The following SYT9 variants were observed in gnomAD, a reference collection of about 807,000 sequenced individuals.
The protein encoded by SYT9 is synaptotagmin 9.
In SYT9, 22 loss-of-function variants were observed where a neutral mutation model predicts 48.4. The ratio of observed to expected loss-of-function variants is 0.45; its 90% CI spans 0.32 to 0.65. The LOEUF (loss-of-function observed/expected upper bound fraction) is 0.65. Among genes scored for constraint, SYT9 ranks in the 30% least tolerant of loss-of-function variants. The probability of loss-of-function intolerance (pLI) is 0.03; values close to 1 mark genes in which losing one functional copy is unlikely to be tolerated. For missense variants in SYT9, 577 were observed against 622.0 expected, an observed-to-expected ratio of 0.93 and a Z score of 0.77; for synonymous variants, 265 against 245.0, an observed-to-expected ratio of 1.08 and a Z score of -0.76.
At chr11:7,246,179 T>C (rs77516297) in intron 1 of SYT9, among the ~76,000 whole-genome samples, 3,506 of 152,286 alleles carry the variant, frequency 0.023, 64 homozygotes, top group Middle Eastern at 0.065. Context: ...TGCCACAGAA[T>C]GGGTAATACC....
intron 3 of SYT9, among the ~76,000 whole-genome samples, chr11:7,373,341 G>A (rs1160484542): frequency 6.6e-6 from 1 of 152,076 alleles, no homozygotes; most frequent in Non-Finnish European, 1.5e-5. Context: ...TAATACATCA[G>A]CTACACGTGT....
intron 1 of SYT9, 77 bp from the exon 2 acceptor site, chr11:7,302,962 T>G (rs1589927867): frequency 1.5e-6 from 2 of 1,336,928 alleles, no homozygotes; most frequent in Non-Finnish European, 2.1e-6. Context: ...GATGAGAGGG[T>G]CATTCTGCCC....
chr11:7,432,860 G>C (rs1246185952), intron 6 of SYT9, among the ~76,000 whole-genome samples: 1 of 151,728 alleles, frequency 6.6e-6, no homozygotes. Context: ...ATTAATGCTG[G>C]AATGACCTAA....
upstream of SYT9, among the ~76,000 whole-genome samples, chr11:7,247,631 G>GTGATATATATATATACGTA (rs1564834898): frequency 1.4e-5 from 2 of 144,522 alleles, no homozygotes; most frequent in Non-Finnish European, 3.0e-5. Context: ...ATATATACGT[G>GTGATATATATATATACGTA]TATATATACG....
At chr11:7,253,432 A>G (rs931626673) in intron 1 of SYT9, among the ~76,000 whole-genome samples, 7 of 152,250 alleles carry the variant, frequency 4.6e-5, no homozygotes, top group Non-Finnish European at 2.9e-5. Context: ...TATCCAAAAG[A>G]TAAATTAAAG....
chr11:7,402,529 C>A (rs779451204), intron 3 of SYT9, among the ~76,000 whole-genome samples: 4 of 152,070 alleles, frequency 2.6e-5, no homozygotes, highest in Non-Finnish European at 4.4e-5. Context: ...GATGCATACA[C>A]ATTTATAATT....
chr11:7,324,311 T>C (rs1428536099), intron 3 of SYT9, among the ~76,000 whole-genome samples: 2 of 151,924 alleles, frequency 1.3e-5, no homozygotes, highest in Non-Finnish European at 2.9e-5. Flanking sequence ...ACTTTCTCAT[T>C]GATCAGTGTC....
intron 3 of SYT9, among the ~76,000 whole-genome samples, chr11:7,320,677 C>A (rs777002725): frequency 1.3e-5 from 2 of 152,150 alleles, no homozygotes; most frequent in Admixed American, 6.5e-5. Context: ...TTAAAAAATT[C>A]TTTGTTTCTC....
chr11:7,433,857 T>A (rs1847654999), intron 6 of SYT9, among the ~76,000 whole-genome samples: 1 of 152,212 alleles, frequency 6.6e-6, no homozygotes, highest in Admixed American at 6.5e-5. Context: ...CTAAGATATT[T>A]TGTTATAGTA....
At chr11:7,304,087 A>C (rs1466195837) in intron 2 of SYT9, among the ~76,000 whole-genome samples, 1 of 152,272 alleles carries the variant, frequency 6.6e-6, no homozygotes, top group East Asian at 1.9e-4. Context: ...CATGTGTGAC[A>C]TTGAACAAAT....
At chr11:7,401,050 G>C (rs1405744552) in intron 3 of SYT9, among the ~76,000 whole-genome samples, 1 of 152,012 alleles carries the variant, frequency 6.6e-6, no homozygotes, top group African/African-American at 2.4e-5. Context: ...ATGAGAAAGT[G>C]ATTATCAGTA....
At chr11:7,353,901 A>G (rs562829766) in intron 3 of SYT9, among the ~76,000 whole-genome samples, 2 of 152,352 alleles carry the variant, frequency 1.3e-5, no homozygotes, top group South Asian at 2.1e-4. Flanking sequence ...AAACATACAC[A>G]AAATTTTACT....
chr11:7,445,684 A>C (rs978304360), intron 6 of SYT9, among the ~76,000 whole-genome samples: 1 of 152,082 alleles, frequency 6.6e-6, no homozygotes, highest in Admixed American at 6.6e-5. Context: ...TTTCTACACC[A>C]CACAAAGCAG....
chr11:7,337,810 T>C (rs1849653371), intron 3 of SYT9, among the ~76,000 whole-genome samples: 1 of 152,134 alleles, frequency 6.6e-6, no homozygotes, highest in Non-Finnish European at 1.5e-5. Flanking sequence ...ATCAAGGATA[T>C]TGGCCTGAGG....
chr11:7,452,665 A>C (rs1254318284), intron 6 of SYT9, among the ~76,000 whole-genome samples: 1 of 152,094 alleles, frequency 6.6e-6, no homozygotes, highest in South Asian at 2.1e-4. Flanking sequence ...CTTAGAGCAG[A>C]ACATAAATTC....
chr11:7,448,823 G>C (rs1311728096), intron 6 of SYT9, among the ~76,000 whole-genome samples: 1 of 152,176 alleles, frequency 6.6e-6, no homozygotes, highest in Non-Finnish European at 1.5e-5. Flanking sequence ...CCTCTTTTCA[G>C]TCGTGGCTTC....
chr11:7,264,854 C>T (rs965441762), intron 1 of SYT9, among the ~76,000 whole-genome samples: 1 of 151,994 alleles, frequency 6.6e-6, no homozygotes, highest in Non-Finnish European at 1.5e-5. Flanking sequence ...TGACAGTAAG[C>T]GAGCAACTGG....
At chr11:7,407,360 ATTTTTTTTTT>A (rs756378336) in intron 3 of SYT9, among the ~76,000 whole-genome samples, 1 of 37,756 alleles carries the variant, frequency 2.6e-5, no homozygotes, top group Non-Finnish European at 4.2e-5. Context: ...TAAGTCTATA[ATTTTTTTTTT>A]TTTTTTTTTT....
intron 6 of SYT9, among the ~76,000 whole-genome samples, chr11:7,431,477 CA>C (rs1051552428): frequency 1.3e-5 from 2 of 152,228 alleles, no homozygotes; most frequent in Non-Finnish European, 2.9e-5. Flanking sequence ...GACAGAAATT[CA>C]AGCAAGCTGT....
Sources: gnomAD v4.1 joint callset for allele counts (sites outside exome capture counted in the v4.1 genomes callset) on GRCh38, gnomAD v4.1.1 for gene constraint, MANE v1.5 for transcripts, NCBI Gene and HGNC (gene_info 2026-07-23, HGNC 2026-07-21) for gene names.